The following LMF1 variants were observed in gnomAD, a reference collection of about 807,000 sequenced individuals.
The protein encoded by LMF1 is lipase maturation factor 1, also known as transmembrane protein 112.
In LMF1, 68 loss-of-function variants were observed where a neutral mutation model predicts 60.6. The observed-to-expected ratio is 1.12, with a 90% CI of 0.92 to 1.37. The LOEUF is 1.37. Among genes scored for constraint, LMF1 ranks in the 40% most tolerant of loss-of-function variants. The probability of loss-of-function intolerance (pLI) is 0.00; values close to 1 mark genes in which losing one functional copy is unlikely to be tolerated. For missense variants in LMF1, 948 were observed against 767.2 expected (o/e 1.24, Z -2.78); for synonymous variants, 418 against 324.7 (o/e 1.29, Z -3.09).
chr16:893,735 C>A (rs1449865687), intron 4 of LMF1, among the ~76,000 whole-genome samples: 4 of 152,018 alleles, frequency 2.6e-5, no homozygotes, highest in African/African-American at 9.7e-5. Flanking sequence ...AGGGTCGGCT[C>A]CCACACCCGT....
upstream of LMF1, chr16:971,055 C>T: frequency 7.5e-7 from 1 of 1,326,520 alleles, no homozygotes; most frequent in Non-Finnish European, 9.8e-7. Context: ...CCCCGCCTCT[C>T]CCTGGCCGGC....
In LMF1 at chr16:910,787, G is replaced by C. The variant is rs575593099; in HGVS notation, c.663+144C>G. On this transcript the variant is annotated intron_variant, in intron 4 of 10. Coordinates refer to ENST00000262301, the MANE Select transcript of LMF1 (RefSeq NM_022773.4). ...AACACAGGCCCCTGAAGGGGCAGAA[G>C]AGTGCGCAGCTGGCCAGGCCAGGCC... 5.4e-5 allele frequency: 52 copies of C among 955,664 alleles called. No individual in the cohort carries two copies. In the African/African-American group the frequency reaches 7.6e-4, roughly 14 times the overall value. 59.2% of individuals were successfully genotyped at this position (955,664 alleles called of 1,614,324 possible).
At chr16:973,530 G>T (rs2073084957), upstream of LMF1, among the ~76,000 whole-genome samples, 1 of 152,194 alleles carries the variant, frequency 6.6e-6, no homozygotes, top group Admixed American at 6.5e-5. Context: ...TGTGGTCCAG[G>T]TCTGGGGACG....
In LMF1 at chr16:879,609, C is replaced by T; in HGVS notation, c.858G>A (p.Arg286=). 1 of 1,613,318 alleles carries T rather than the reference C, an allele frequency of 6.2e-7. No homozygotes were observed. The highest frequency in any genetic ancestry group is 8.5e-7 in the Non-Finnish European group (1 of 1,179,752). Residue 286 remains arginine (R), a synonymous_variant, in exon 6 of 11, where the codon CGG becomes CGA. Transcript: ENST00000262301. The part of the protein sequence containing the change: ...LVPFFLFLGR[R]ACIIHGVLQI... ...GCAGCACCCCGTGGATGATGCACGCCCGCCGGCCGAGGAAGAGGAAGAAGG... is the reference window on the plus strand; with the variant it reads ...GCAGCACCCCGTGGATGATGCACGCTCGCCGGCCGAGGAAGAGGAAGAAGG...
chr16:933,877 G>A (rs1384965604), intron 3 of LMF1: 3 of 1,035,770 alleles, frequency 2.9e-6, no homozygotes, highest in Non-Finnish European at 3.8e-6. Flanking sequence ...CAGCGTGAGT[G>A]CCGTGAGCAC....
chr16:981,513 C>A, upstream of LMF1: 1 of 184,748 alleles, frequency 5.4e-6, no homozygotes, highest in Non-Finnish European at 1.2e-5. Flanking sequence ...TCCCACCCGG[C>A]CTCCCTGCCC....
At chr16:891,963 G>C (rs562092551) in intron 5 of LMF1, among the ~76,000 whole-genome samples, 1 of 152,370 alleles carries the variant, frequency 6.6e-6, no homozygotes, top group East Asian at 1.9e-4. Context: ...AAAGAGAGGA[G>C]CTCACGGGTC....
At chr16:976,037 T>C (rs1163915299) in intron 1 of LMF1, 4 of 283,884 alleles carry the variant, frequency 1.4e-5, no homozygotes, top group Non-Finnish European at 1.9e-5. Flanking sequence ...ACTCTGAAGG[T>C]TGAGCTTGGA....
intron 2 of LMF1, among the ~76,000 whole-genome samples, chr16:949,966 G>A (rs1243226278): frequency 7.3e-6 from 1 of 136,734 alleles, no homozygotes; most frequent in South Asian, 2.5e-4. Flanking sequence ...AGTCAGAGAC[G>A]ACAGAGTCAG....
At chr16:977,925 A>ACACACACACAC (rs149763960) in intron 1 of LMF1, among the ~76,000 whole-genome samples, 7 of 140,660 alleles carry the variant, frequency 5.0e-5, no homozygotes, top group South Asian at 2.3e-4. Context: ...CACACATACC[A>ACACACACACAC]CACACATACA....
chr16:881,004 C>T lies in LMF1; in HGVS notation c.730-1267G>A, dbSNP rs573531256. Among the ~76,000 whole-genome samples the T allele has an allele frequency of 1.8e-4, 27 of 152,340 alleles. No homozygotes were observed. In the South Asian group the frequency reaches 2.7e-3, roughly 15 times the overall value. The stretch of plus-strand genomic sequence containing the variant: ...ACCCCACTAGGGACAACAATGAACA[C>T]GCCCTGCAGGGAGGGAGGCGGCCCC... On this transcript the variant is annotated intron_variant, in intron 5 of 10. Coordinates refer to ENST00000262301, the MANE Select transcript of LMF1 (RefSeq NM_022773.4).
chr16:857,492 G>A (rs1484909140), intron 10 of LMF1, among the ~76,000 whole-genome samples: 6 of 122,922 alleles, frequency 4.9e-5, no homozygotes, highest in African/African-American at 1.9e-4. Context: ...GTCACCGGAC[G>A]GGTGTGAGTG....
At chr16:955,808 CCT>C (rs145534044) in intron 1 of LMF1, among the ~76,000 whole-genome samples, 554 of 152,352 alleles carry the variant, frequency 3.6e-3, no homozygotes, top group Non-Finnish European at 5.6e-3. Flanking sequence ...TGAAACACAC[CCT>C]GAGGACCCTG....
chr16:948,103 GAGTCAGCCAACGAC>G (rs1170373617), intron 2 of LMF1, among the ~76,000 whole-genome samples: 2 of 149,952 alleles, frequency 1.3e-5, no homozygotes, highest in Non-Finnish European at 2.9e-5. Context: ...GCCAACGACA[GAGTCAGCCAACGAC>G]AGTCAGCCAA....
At chr16:922,859 G>T (rs572306100) in intron 3 of LMF1, among the ~76,000 whole-genome samples, 1 of 117,428 alleles carries the variant, frequency 8.5e-6, no homozygotes, top group African/African-American at 3.9e-5. Context: ...CTCGGTTTTC[G>T]GGTGTGATGT....
At chr16:949,919 CAGAGTCAGAGCCAATG>C (rs1475220861) in intron 2 of LMF1, among the ~76,000 whole-genome samples, 2 of 95,016 alleles carry the variant, frequency 2.1e-5, no homozygotes, top group Non-Finnish European at 4.0e-5. Context: ...CAGCCAACGA[CAGAGTCAGAGCCAATG>C]AGAGTCAGAG....
At chr16:964,115 C>G in intron 1 of LMF1, 2 of 455,910 alleles carry the variant, frequency 4.4e-6, no homozygotes, top group Non-Finnish European at 8.8e-6. Context: ...CAGGCATGGC[C>G]GATAAATACT....
chr16:954,245 A>G lies in LMF1; in HGVS notation c.503+112T>C, dbSNP rs755418089. ...AAGTAAAATGACAATACCCTCCTGA[A>G]GGAATTTAAGATAAACGCTCGTCCA... On this transcript the variant is annotated intron_variant, in intron 2 of 10. Transcript: ENST00000262301. 7 of 1,135,402 alleles carry G rather than the reference A, an allele frequency of 6.2e-6. No homozygotes were observed. In the South Asian group the frequency reaches 9.3e-5, roughly 15 times the overall value. The allele number at this position is 1,135,402 out of a possible 1,614,324, so 70.3% of individuals were successfully genotyped here. A position where few individuals can be genotyped will look rare whatever the true frequency, so the allele number is the denominator to read the frequency against.
At chr16:926,537 T>C (rs767280153) in intron 3 of LMF1, among the ~76,000 whole-genome samples, 2 of 152,220 alleles carry the variant, frequency 1.3e-5, no homozygotes, top group Non-Finnish European at 2.9e-5. Context: ...TGAGTTGGCA[T>C]GAAGATAAGA....
Sources: gnomAD v4.1 joint callset for allele counts (sites outside exome capture counted in the v4.1 genomes callset) on GRCh38, gnomAD v4.1.1 for gene constraint, MANE v1.5 for transcripts, NCBI Gene and HGNC (gene_info 2026-07-23, HGNC 2026-07-21) for gene names.